The following COL11A1 variants were observed in gnomAD, a reference collection of about 807,000 sequenced individuals.
The protein encoded by COL11A1 is collagen type XI alpha 1 chain.
In COL11A1, 74 loss-of-function variants were observed where a neutral mutation model predicts 265.2. The observed-to-expected ratio is 0.28, with a 90% confidence interval of 0.23 to 0.34. COL11A1 has a LOEUF of 0.34. COL11A1 is among the 10% of genes least tolerant of loss of function. COL11A1 has a pLI of 1.00. For synonymous variants in COL11A1, 816 were observed against 727.6 expected (o/e 1.12, Z -1.96); for missense variants, 2,165 against 2,263.6 (o/e 0.96, Z 0.88).
chr1:102,986,926 C>G lies in COL11A1; in HGVS notation c.2502+707G>C, dbSNP rs2101733130. Among the ~76,000 whole-genome samples, 3 of 152,178 alleles carry G rather than the reference C, an allele frequency of 2.0e-5. No individual in the cohort carries two copies. The Middle Eastern group carries it at 0.01, about 518-fold the overall frequency. ...AAAATTAAAATCTCTTGAAGTTGGG[C>G]CTGAATACCAGTATTTTTTAATAGA... On this transcript the variant is annotated intron_variant, in intron 30 of 66. Transcript: ENST00000370096.
intron 25 of COL11A1, 118 bp from the exon 26 acceptor site, chr1:102,997,242 C>G (rs966884644): frequency 2.1e-6 from 2 of 972,248 alleles, no homozygotes; most frequent in Non-Finnish European, 3.3e-6. Flanking sequence ...GTTTCAAAAA[C>G]ATTGAACACT....
At chr1:102,897,240 G>C (rs1652540004) in intron 57 of COL11A1, among the ~76,000 whole-genome samples, 1 of 151,866 alleles carries the variant, frequency 6.6e-6, no homozygotes, top group Admixed American at 6.6e-5. Context: ...ATGGCTTTGT[G>C]CGTATGTTTC....
intron 1 of COL11A1, among the ~76,000 whole-genome samples, chr1:103,107,223 T>C (rs1178038188): frequency 6.6e-6 from 1 of 151,986 alleles, no homozygotes; most frequent in African/African-American, 2.4e-5. Context: ...GAATATTTGG[T>C]GGTGCCACGT....
chr1:103,017,283 A>G (rs1339248193), intron 11 of COL11A1, among the ~76,000 whole-genome samples: 1 of 152,126 alleles, frequency 6.6e-6, no homozygotes, highest in Non-Finnish European at 1.5e-5. Flanking sequence ...TATGAAAAGT[A>G]TAAGTTATTT....
intron 24 of COL11A1, chr1:103,001,174 G>A (rs1035401998): frequency 3.5e-5 from 14 of 397,578 alleles, no homozygotes; most frequent in Non-Finnish European, 5.8e-5. Flanking sequence ...AGTGGTATAA[G>A]TATTCCGAAA....
At chr1:103,023,112 C>T in intron 7 of COL11A1, 116 bp from the exon 8 acceptor site, 1 of 1,045,716 alleles carries the variant, frequency 9.6e-7, no homozygotes, top group East Asian at 2.4e-5. Flanking sequence ...TGTTACTACT[C>T]AAGCAACTCT....
At chr1:102,888,524 G>A (rs1341442319) in intron 62 of COL11A1, 53 bp downstream of exon 62, 34 of 1,518,624 alleles carry the variant, frequency 2.2e-5, no homozygotes, top group Non-Finnish European at 5.5e-6. Flanking sequence ...GAAATCATTG[G>A]CAGCTTCCAG....
intron 4 of COL11A1, among the ~76,000 whole-genome samples, chr1:103,048,611 T>G (rs1669517352): frequency 6.6e-6 from 1 of 152,228 alleles, no homozygotes; most frequent in African/African-American, 2.4e-5. Context: ...AGTTCTGCTC[T>G]AATCTTAGTT....
At chr1:102,881,510 C>CA (rs2101016708) in intron 65 of COL11A1, among the ~76,000 whole-genome samples, 187 bp downstream of exon 65, 1 of 152,096 alleles carries the variant, frequency 6.6e-6, no homozygotes, top group African/African-American at 2.4e-5. Flanking sequence ...TACTTTTATA[C>CA]AAAAATGTTA....
chr1:102,893,349 C>T (rs559699059), intron 57 of COL11A1, among the ~76,000 whole-genome samples: 12 of 152,148 alleles, frequency 7.9e-5, no homozygotes, highest in Admixed American at 2.0e-4. Flanking sequence ...AGCTAATAAT[C>T]TCTCTTAACA....
chr1:102,947,080 T>C, intron 41 of COL11A1, 124 bp from the exon 42 acceptor site: 1 of 860,842 alleles, frequency 1.2e-6, no homozygotes, highest in Non-Finnish European at 1.9e-6. Flanking sequence ...AGAGTTTAGA[T>C]AATTTTAAGA....
At chr1:103,097,142 T>TC (rs2102399166) in intron 1 of COL11A1, among the ~76,000 whole-genome samples, 1 of 152,104 alleles carries the variant, frequency 6.6e-6, no homozygotes, top group South Asian at 2.1e-4. Flanking sequence ...ACAACCTAGT[T>TC]ATGTGTTGAT....
At position 102,921,484 on chromosome 1, in the gene COL11A1, T is replaced by C. The variant is rs1307919018; in HGVS notation, c.3708+34A>G. On this transcript the variant is annotated intron_variant, in intron 48 of 66. Coordinates refer to ENST00000370096, the MANE Select transcript of COL11A1 (RefSeq NM_001854.4). Reference sequence around the variant, plus strand: ...ATAAAATAACAATACCTATATAACTTCAAAATAATTAACATATATTTCAGA... The same window carrying C: ...ATAAAATAACAATACCTATATAACTCCAAAATAATTAACATATATTTCAGA... 3.2e-6 allele frequency: 5 copies of C among 1,546,880 alleles called. No homozygotes were observed. The Admixed American group carries it at 8.4e-5, about 26-fold the overall frequency.
At chr1:102,891,940 T>A (rs906309765) in intron 57 of COL11A1, among the ~76,000 whole-genome samples, 1 of 152,074 alleles carries the variant, frequency 6.6e-6, no homozygotes, top group Non-Finnish European at 1.5e-5. Context: ...GCCAAATTGT[T>A]GTACTACAAT....
At chr1:103,103,000 A>G (rs1674404932) in intron 1 of COL11A1, among the ~76,000 whole-genome samples, 1 of 152,068 alleles carries the variant, frequency 6.6e-6, no homozygotes, top group Non-Finnish European at 1.5e-5. Context: ...AACAGATATC[A>G]TGGTAGCCTA....
intron 29 of COL11A1, among the ~76,000 whole-genome samples, chr1:102,988,771 C>G (rs1047834743): frequency 3.9e-5 from 6 of 152,072 alleles, no homozygotes; most frequent in Admixed American, 3.3e-4. Context: ...AAAGATTGTT[C>G]AGCAGCTTTG....
chr1:103,074,779 A>C lies in COL11A1; in HGVS notation c.490T>G (p.Trp164Gly), dbSNP rs1335304175. 6.2e-7 allele frequency: 1 copy of C among 1,613,110 alleles called. No individual in the cohort carries two copies. Among genetic ancestry groups the C allele is most frequent in the Non-Finnish European group, 8.5e-7 (1 of 1,179,474 alleles). The change falls in exon 4 of 67, where the codon TGG (tryptophan) becomes GGG (glycine). Residue 164 changes from tryptophan (W) to glycine (G), a missense_variant and splice_region_variant. Trp to Gly is a radical substitution (Grantham distance 184, BLOSUM62 -2). Coordinates refer to ENST00000370096, the MANE Select transcript of COL11A1 (RefSeq NM_001854.4). ...FRTVNIADGK[W>G]HRVAISVEKK... Reference sequence around the variant, plus strand: ...TCCACGCTGATTGCTACCCGATGCCACCTAAAAAAGACAAGTAATTCTTTT... The same window carrying C: ...TCCACGCTGATTGCTACCCGATGCCCCCTAAAAAAGACAAGTAATTCTTTT...
rs1665819372 is a variant in COL11A1 at position 103,008,393 on chromosome 1, C to A, written c.1683+70G>T. The A allele has an allele frequency of 2.4e-6, 3 of 1,227,554 alleles. No homozygotes were observed. In the East Asian group the frequency reaches 7.1e-5, roughly 29 times the overall value. 76.0% of individuals were successfully genotyped at this position (1,227,554 alleles called of 1,614,324 possible). A position where few individuals can be genotyped will look rare whatever the true frequency, so the allele number is the denominator to read the frequency against. ...ACAAAAAAAAAATTAACTATTGATG[C>A]ATTCTCGAAGGAATTATGCTGTATC... On this transcript the variant is annotated intron_variant, in intron 15 of 66. Coordinates refer to ENST00000370096, the MANE Select transcript of COL11A1 (RefSeq NM_001854.4).
chr1:103,100,540 T>C (rs1460784238), intron 1 of COL11A1: 3 of 152,466 alleles, frequency 2.0e-5, no homozygotes, highest in Non-Finnish European at 4.4e-5. Flanking sequence ...TGAAGAGCTA[T>C]CTGGATTCTA....
Sources: gnomAD v4.1 joint callset for allele counts (sites outside exome capture counted in the v4.1 genomes callset) on GRCh38, gnomAD v4.1.1 for gene constraint, MANE v1.5 for transcripts, NCBI Gene and HGNC (gene_info 2026-07-23, HGNC 2026-07-21) for gene names.